SOX6: variants seen among roughly 807,000 people sequenced by gnomAD.
SOX6 encodes transcription factor SOX-6.
In SOX6, 11 loss-of-function variants were observed where a neutral mutation model predicts 97.8. The observed-to-expected ratio is 0.11, with a 90% CI of 0.07 to 0.19. The LOEUF (loss-of-function observed/expected upper bound fraction) is 0.19. SOX6 is among the 10% of genes least tolerant of loss of function. The pLI, the probability that SOX6 is intolerant of heterozygous loss-of-function variation, is 1.00. For synonymous variants in SOX6, 360 were observed against 371.4 expected (o/e 0.97, Z 0.35); for missense variants, 810 against 1,039.5 (o/e 0.78, Z 3.04).
intron 9 of SOX6, among the ~76,000 whole-genome samples, chr11:16,064,705 C>G (rs1256008031): frequency 6.6e-6 from 1 of 151,536 alleles, no homozygotes; most frequent in Non-Finnish European, 1.5e-5. Flanking sequence ...GCAAGGATGG[C>G]GCAACATATA....
At chr11:16,640,974 C>A (rs2134004239) in intron 3 of SOX6, among the ~76,000 whole-genome samples, 1 of 152,208 alleles carries the variant, frequency 6.6e-6, no homozygotes, top group East Asian at 1.9e-4. Context: ...TTTGTTCTTG[C>A]TTCTCTAGTT....
At chr11:16,509,722 G>A (rs1860848904) in intron 4 of SOX6, among the ~76,000 whole-genome samples, 1 of 151,830 alleles carries the variant, frequency 6.6e-6, no homozygotes, top group Admixed American at 6.6e-5. Flanking sequence ...TTTTAATCGG[G>A]CATATTGAGC....
At chr11:16,057,235 C>T (rs1002016266) in intron 9 of SOX6, among the ~76,000 whole-genome samples, 26 of 152,152 alleles carry the variant, frequency 1.7e-4, no homozygotes, top group Non-Finnish European at 3.1e-4. Context: ...CCATGCTTCT[C>T]TCTCCAATCT....
At chr11:16,142,257 T>A (rs532893891) in intron 6 of SOX6, among the ~76,000 whole-genome samples, 44 of 152,246 alleles carry the variant, frequency 2.9e-4, no homozygotes, top group African/African-American at 9.4e-4. Flanking sequence ...GGAGTGGACC[T>A]CCAGCAAACT....
intron 3 of SOX6, among the ~76,000 whole-genome samples, chr11:16,691,978 C>A (rs1370904133): frequency 6.6e-6 from 1 of 151,992 alleles, no homozygotes; most frequent in Non-Finnish European, 1.5e-5. Context: ...TTTAGGTTGT[C>A]CGTCTCTCTT....
intron 4 of SOX6, among the ~76,000 whole-genome samples, chr11:16,199,915 G>T (rs1005143633): frequency 1.3e-5 from 2 of 152,102 alleles, no homozygotes; most frequent in Non-Finnish European, 2.9e-5. Context: ...CAATTTTACA[G>T]GAAAAATTTC....
At chr11:16,424,825 G>A (rs1050085339) in intron 1 of SOX6, among the ~76,000 whole-genome samples, 3 of 152,198 alleles carry the variant, frequency 2.0e-5, no homozygotes, top group African/African-American at 4.8e-5. Flanking sequence ...ATGGCTCTGG[G>A]GACAAATTAT....
At chr11:16,539,251 A>C (rs139181828) in intron 4 of SOX6, among the ~76,000 whole-genome samples, 2,141 of 152,312 alleles carry the variant, frequency 0.014, 42 homozygotes, top group East Asian at 0.052. Context: ...GGCAGAAATA[A>C]AGATGTCCTT....
chr11:16,225,673 GT>G, intron 4 of SOX6, among the ~76,000 whole-genome samples: 1 of 152,158 alleles, frequency 6.6e-6, no homozygotes, highest in African/African-American at 2.4e-5. Context: ...TGACCCTTTG[GT>G]GATAACAGCA....
intron 1 of SOX6, among the ~76,000 whole-genome samples, chr11:16,372,573 C>T (rs750243707): frequency 4.6e-5 from 7 of 152,058 alleles, no homozygotes; most frequent in Non-Finnish European, 8.8e-5. Context: ...ACACCATTCA[C>T]AGATAAGCCC....
intron 1 of SOX6, among the ~76,000 whole-genome samples, chr11:16,422,977 C>T (rs1332632842): frequency 2.0e-5 from 3 of 152,132 alleles, no homozygotes; most frequent in Non-Finnish European, 2.9e-5. Context: ...CTTCTAATAT[C>T]AGATTATTTT....
At chr11:16,049,151 C>T (rs918836679) in intron 11 of SOX6, among the ~76,000 whole-genome samples, 3 of 152,112 alleles carry the variant, frequency 2.0e-5, no homozygotes, top group African/African-American at 7.2e-5. Flanking sequence ...TGAAGGCTCT[C>T]TGTCCAAGCC....
intron 4 of SOX6, among the ~76,000 whole-genome samples, chr11:16,519,295 C>T (rs898606754): frequency 6.6e-6 from 1 of 152,046 alleles, no homozygotes; most frequent in Non-Finnish European, 1.5e-5. Context: ...GACTTTGTCA[C>T]TCAAACAGTA....
chr11:16,295,204 A>C (rs1400133899), intron 3 of SOX6, among the ~76,000 whole-genome samples: 1 of 152,090 alleles, frequency 6.6e-6, no homozygotes, highest in African/African-American at 2.4e-5. Context: ...TTTTCAAATC[A>C]AGACTGAAAG....
At position 16,042,945 on chromosome 11, in the gene SOX6, G is replaced by A. The variant is rs146655432; in HGVS notation, c.1623+3569C>T. On this transcript the variant is annotated intron_variant, in intron 12 of 15. Transcript: ENST00000683767. The stretch of plus-strand genomic sequence containing the variant: ...GTCTACTGGCTCACATAACACCTAC[G>A]CAGGAAAGCATTCCAACCAATGCTT... 3.7e-4 allele frequency among the ~76,000 whole-genome samples: 57 copies of A among 152,190 alleles called. No homozygotes were observed. The East Asian group carries it at 0.01, about 28-fold the overall frequency.
Position 16,426,420 on chromosome 11 carries a change from C to T in SOX6, c.-5+49895G>A, listed in dbSNP as rs528988793. Among the ~76,000 whole-genome samples, 15 of 151,560 alleles carry T rather than the reference C, an allele frequency of 9.9e-5. No homozygotes were observed. In the South Asian group the frequency reaches 1.0e-3, roughly 11 times the overall value. On this transcript the variant is annotated intron_variant, in intron 1 of 15. Coordinates refer to the SOX6 transcript ENST00000396356. The stretch of plus-strand genomic sequence containing the variant: ...ATCTTCAAACTATACTACAGGGCTA[C>T]GGTAACCAAAACAGCATGGTACTGG...
upstream of SOX6, among the ~76,000 whole-genome samples, chr11:16,357,811 A>G (rs1857112857): frequency 6.6e-6 from 1 of 152,164 alleles, no homozygotes. Flanking sequence ...CATAATAACT[A>G]GCTACATTTT....
intron 10 of SOX6, 89 bp downstream of exon 10, chr11:16,055,663 G>A (rs1437226621): frequency 6.6e-7 from 1 of 1,518,610 alleles, no homozygotes; most frequent in African/African-American, 1.4e-5. Flanking sequence ...TATGTTTCCT[G>A]CTGTTTATGC....
At chr11:16,369,971 A>G (rs945662467) in intron 1 of SOX6, among the ~76,000 whole-genome samples, 9 of 152,130 alleles carry the variant, frequency 5.9e-5, no homozygotes, top group Non-Finnish European at 1.2e-4. Flanking sequence ...TTCCACCAGC[A>G]ATGGCTTCTT....
Sources: allele counts gnomAD v4.1 joint callset (sites outside exome capture counted in the v4.1 genomes callset), GRCh38; gene constraint gnomAD v4.1.1; transcripts MANE v1.5; gene names NCBI Gene and HGNC (gene_info 2026-07-23, HGNC 2026-07-21).